TCF4: variants seen among roughly 807,000 people sequenced by gnomAD.
TCF4 encodes SL3-3 enhancer factor 2.
TCF4 carries 3 observed loss-of-function variants against 82.1 expected under a neutral mutation model. The ratio of observed to expected loss-of-function variants is 0.04; its 90% CI spans 0.02 to 0.09. The LOEUF is 0.09. Ranked by LOEUF, TCF4 falls within the 10% of genes least tolerant of loss-of-function variation. The probability of loss-of-function intolerance (pLI) is 1.00; values close to 1 mark genes in which losing one functional copy is unlikely to be tolerated. For missense variants in TCF4, 518 were observed against 852.7 expected (o/e 0.61, Z 4.89); for synonymous variants, 276 against 309.6 (o/e 0.89, Z 1.14).
chr18:55,321,909 G>T (rs1019142504), intron 8 of TCF4: 1 of 1,404,196 alleles, frequency 7.1e-7, no homozygotes, highest in African/African-American at 1.4e-5. Context: ...GGGAGGCCGC[G>T]GCGCTGCTGT....
At chr18:55,575,842 C>A in intron 3 of TCF4, among the ~76,000 whole-genome samples, 1 of 152,158 alleles carries the variant, frequency 6.6e-6, no homozygotes, top group East Asian at 1.9e-4. Flanking sequence ...CTGGCCACTT[C>A]ACAATGTTTT....
intron 3 of TCF4, among the ~76,000 whole-genome samples, chr18:55,556,467 C>A (rs2097305563): frequency 1.3e-5 from 2 of 152,152 alleles, no homozygotes; most frequent in South Asian, 2.1e-4. Flanking sequence ...AATGCAAATT[C>A]TCCAACTGAA....
chr18:55,362,247 T>C (rs2085377156), intron 6 of TCF4, among the ~76,000 whole-genome samples: 1 of 151,510 alleles, frequency 6.6e-6, no homozygotes, highest in Admixed American at 6.6e-5. Context: ...GTTCAGGAGT[T>C]GGAGGCTGCG....
chr18:55,374,818 T>C (rs1042097108), intron 6 of TCF4, among the ~76,000 whole-genome samples: 1 of 139,196 alleles, frequency 7.2e-6, no homozygotes, highest in South Asian at 2.2e-4. Context: ...CAGTGAGCCA[T>C]GATCACACCA....
chr18:55,300,892 T>A (rs921775968), intron 8 of TCF4, among the ~76,000 whole-genome samples: 13 of 152,004 alleles, frequency 8.6e-5, no homozygotes, highest in African/African-American at 3.1e-4. Flanking sequence ...AGCCAAGAGC[T>A]CGTCCCAGAG....
intron 8 of TCF4, among the ~76,000 whole-genome samples, chr18:55,303,252 C>CACCCCT (rs1555851913): frequency 6.8e-6 from 1 of 146,620 alleles, no homozygotes; most frequent in Admixed American, 6.7e-5. Flanking sequence ...CACACACACA[C>CACCCCT]ACACACACAC....
intron 8 of TCF4, among the ~76,000 whole-genome samples, chr18:55,292,919 C>T (rs1258567289): frequency 1.3e-5 from 2 of 151,602 alleles, no homozygotes; most frequent in Non-Finnish European, 2.9e-5. Context: ...TATGTGTATG[C>T]CTGTGTGTGT....
At chr18:55,566,434 A>G (rs1213751833) in intron 3 of TCF4, among the ~76,000 whole-genome samples, 3 of 152,142 alleles carry the variant, frequency 2.0e-5, no homozygotes, top group Non-Finnish European at 1.5e-5. Flanking sequence ...TATACACATA[A>G]ATAAATACAT....
intron 11 of TCF4, among the ~76,000 whole-genome samples, chr18:55,264,388 T>C (rs2058673538): frequency 6.6e-6 from 1 of 152,200 alleles, no homozygotes; most frequent in South Asian, 2.1e-4. Context: ...CAAAGCAGTT[T>C]ACTGGGGCCA....
intron 3 of TCF4, among the ~76,000 whole-genome samples, chr18:55,471,688 C>T (rs941381342): frequency 1.3e-5 from 2 of 151,734 alleles, no homozygotes; most frequent in Non-Finnish European, 2.9e-5. Flanking sequence ...ATCACATGAA[C>T]CCAGAAGATG....
At chr18:55,504,372 A>T (rs555357853) in intron 3 of TCF4, among the ~76,000 whole-genome samples, 2 of 152,236 alleles carry the variant, frequency 1.3e-5, no homozygotes, top group Non-Finnish European at 2.9e-5. Flanking sequence ...GCTAGTTACC[A>T]GTAACTTTTG....
chr18:55,446,065 A>C (rs997756650), intron 5 of TCF4, among the ~76,000 whole-genome samples: 8 of 152,110 alleles, frequency 5.3e-5, no homozygotes, highest in African/African-American at 1.9e-4. Flanking sequence ...GATTCTGGTA[A>C]TGTTTTTCCC....
intron 13 of TCF4, chr18:55,259,608 T>C (rs1019788837): frequency 7.7e-6 from 2 of 259,654 alleles, no homozygotes; most frequent in Non-Finnish European, 1.5e-5. Context: ...TATTCATGAC[T>C]ATATTAACTG....
chr18:55,408,447 A>T (rs2094197582), intron 5 of TCF4, among the ~76,000 whole-genome samples: 1 of 152,192 alleles, frequency 6.6e-6, no homozygotes, highest in Admixed American at 6.5e-5. Flanking sequence ...ATCTATATAT[A>T]TGTAGAAAGG....
chr18:55,571,919 G>T (rs2097475612), intron 3 of TCF4, among the ~76,000 whole-genome samples: 1 of 148,372 alleles, frequency 6.7e-6, no homozygotes, highest in Non-Finnish European at 1.5e-5. Context: ...AACTCTCTGT[G>T]TCCCTCCCAA....
chr18:55,389,198 T>C (rs1450546578), intron 6 of TCF4, among the ~76,000 whole-genome samples: 3 of 152,180 alleles, frequency 2.0e-5, no homozygotes, highest in Non-Finnish European at 2.9e-5. Flanking sequence ...GAAATTTGCA[T>C]GGAAGTATTT....
intron 8 of TCF4, chr18:55,321,558 G>A: frequency 1.4e-6 from 2 of 1,409,336 alleles, no homozygotes; most frequent in South Asian, 2.5e-5. Flanking sequence ...TGGCACCCAG[G>A]AAGGTGCGGC....
intron 11 of TCF4, among the ~76,000 whole-genome samples, chr18:55,263,554 T>C (rs1044498117): frequency 6.6e-6 from 1 of 152,046 alleles, no homozygotes; most frequent in Non-Finnish European, 1.5e-5. Context: ...TGAGCCGAGA[T>C]TGAGATTGCG....
chr18:55,426,898 T>C (rs2095010971), intron 5 of TCF4, among the ~76,000 whole-genome samples: 1 of 152,112 alleles, frequency 6.6e-6, no homozygotes, highest in Non-Finnish European at 1.5e-5. Flanking sequence ...CTAGTGTGTC[T>C]ACCAACCAGT....
Sources: allele counts gnomAD v4.1 joint callset (sites outside exome capture counted in the v4.1 genomes callset), GRCh38; gene constraint gnomAD v4.1.1; transcripts MANE v1.5; gene names NCBI Gene and HGNC (gene_info 2026-07-23, HGNC 2026-07-21).